The following PPP4R2 variants were observed in gnomAD, a reference collection of about 807,000 sequenced individuals.
PPP4R2 encodes protein phosphatase 4 regulatory subunit 2, also known as serine/threonine-protein phosphatase 4 regulatory subunit 2.
In PPP4R2, 13 loss-of-function variants were observed where a neutral mutation model predicts 47.2. That is an observed-to-expected ratio of 0.28 (90% CI 0.18 to 0.44). The LOEUF (loss-of-function observed/expected upper bound fraction) is 0.44, where lower values mean the gene tolerates loss of function less well. Ranked by LOEUF, PPP4R2 falls within the 20% of genes least tolerant of loss-of-function variation. The pLI is 1.00. For missense variants in PPP4R2, 421 were observed against 491.2 expected (o/e 0.86, Z 1.35); for synonymous variants, 151 against 163.3 (o/e 0.92, Z 0.57).
intron 2 of PPP4R2, among the ~76,000 whole-genome samples, chr3:73,026,581 A>G (rs766326109): frequency 6.6e-6 from 1 of 152,106 alleles, no homozygotes; most frequent in Non-Finnish European, 1.5e-5. Flanking sequence ...ATTTGCATTA[A>G]ATGTTTTTTG....
At chr3:73,059,936 G>GA (rs11300271) in intron 4 of PPP4R2, among the ~76,000 whole-genome samples, 1,495 of 118,240 alleles carry the variant, frequency 0.013, 14 homozygotes, top group Non-Finnish European at 0.018. Flanking sequence ...CTCTGTCTCA[G>GA]AAAAAAAAAA....
intron 2 of PPP4R2, among the ~76,000 whole-genome samples, chr3:73,017,605 G>A (rs914369218): frequency 2.2e-4 from 33 of 152,182 alleles, no homozygotes; most frequent in African/African-American, 7.5e-4. Flanking sequence ...AGAATTAAGT[G>A]TATGTTAAAG....
chr3:73,044,162 A>G (rs1702435794), intron 2 of PPP4R2, among the ~76,000 whole-genome samples: 1 of 151,792 alleles, frequency 6.6e-6, no homozygotes. Context: ...GGTTGTTTTC[A>G]CCTTTTGGGG....
At chr3:73,062,330 C>CA (rs3832186) in intron 5 of PPP4R2, 207,228 of 1,607,514 alleles carry the variant, frequency 0.13, 17,201 homozygotes, top group East Asian at 0.35. Context: ...CTGGGAAAAA[C>CA]AGACAGTATC....
chr3:73,000,284 T>C (rs1226162723), intron 2 of PPP4R2, among the ~76,000 whole-genome samples: 1 of 152,120 alleles, frequency 6.6e-6, no homozygotes, highest in Non-Finnish European at 1.5e-5. Flanking sequence ...CAGTGAGCCA[T>C]GATGGTTGGT....
Position 73,007,312 on chromosome 3 carries a change from A to G in PPP4R2, c.116+9154A>G, listed in dbSNP as rs144136754. Among the ~76,000 whole-genome samples, 45 of 152,122 alleles carry G rather than the reference A, an allele frequency of 3.0e-4. No homozygotes were observed. In the East Asian group the frequency reaches 8.5e-3, roughly 29 times the overall value. On this transcript the variant is annotated intron_variant, in intron 2 of 8. Transcript: ENST00000356692. Reference sequence around the variant, plus strand: ...CTACAGTTTGAAGTTCTTTGTGTTCAGGTATTTTGACAAAACAGTAAGAAA... The same window carrying G: ...CTACAGTTTGAAGTTCTTTGTGTTCGGGTATTTTGACAAAACAGTAAGAAA...
chr3:73,063,083 C>T (rs1340872371), intron 5 of PPP4R2: 1 of 617,096 alleles, frequency 1.6e-6, no homozygotes, highest in Non-Finnish European at 2.8e-6. Context: ...CTTTGCCACC[C>T]CATTATTGGG....
rs549335768 is a variant in PPP4R2 at position 73,042,859 on chromosome 3, G to A, written c.117-4327G>A. Among the ~76,000 whole-genome samples the A allele has an allele frequency of 3.8e-4, 58 of 152,226 alleles. 1 individual carries two copies. Among genetic ancestry groups the A allele is most frequent in the Admixed American group, 1.9e-3 (29 of 15,290 alleles). ...GATTTATTTGAAAGTTAAGACTACA[G>A]TGTGTTCATAATTCATGTCAATTTA... On this transcript the variant is annotated intron_variant, in intron 2 of 8. Transcript: ENST00000356692.
At chr3:73,036,525 C>T (rs1702263958) in intron 2 of PPP4R2, among the ~76,000 whole-genome samples, 1 of 152,130 alleles carries the variant, frequency 6.6e-6, no homozygotes, top group Non-Finnish European at 1.5e-5. Context: ...TGTATCAGTA[C>T]AAATTTCCAG....
chr3:73,035,562 C>T (rs1203909248), intron 2 of PPP4R2, among the ~76,000 whole-genome samples: 1 of 152,168 alleles, frequency 6.6e-6, no homozygotes, highest in African/African-American at 2.4e-5. Context: ...CCTAGCAATC[C>T]CCACTGCTGG....
chr3:73,008,373 C>T (rs955667760), intron 2 of PPP4R2, among the ~76,000 whole-genome samples: 9 of 152,084 alleles, frequency 5.9e-5, no homozygotes, highest in African/African-American at 2.2e-4. Context: ...ATCATGTAAA[C>T]CTGAATGGTA....
At chr3:73,062,727 A>G in intron 5 of PPP4R2, 1 of 1,614,032 alleles carries the variant, frequency 6.2e-7, no homozygotes, top group Non-Finnish European at 8.5e-7. Flanking sequence ...CAAGGCAATG[A>G]TGGCATCTAT....
In PPP4R2 at chr3:73,043,389, A is replaced by G. The variant is rs567657324; in HGVS notation, c.117-3797A>G. 2.0e-5 allele frequency among the ~76,000 whole-genome samples: 3 copies of G among 152,328 alleles called. No homozygotes were observed. In the South Asian group the frequency reaches 6.2e-4, roughly 32 times the overall value. On this transcript the variant is annotated intron_variant, in intron 2 of 8. Coordinates refer to ENST00000356692, the MANE Select transcript of PPP4R2 (RefSeq NM_174907.4). ...AAAGGTGGAAAAAACTAATCATGCA[A>G]ATAGCTTTTAATTATCCTCACCATT...
intron 3 of PPP4R2, among the ~76,000 whole-genome samples, chr3:73,058,362 T>C (rs927214927): frequency 6.6e-6 from 1 of 152,082 alleles, no homozygotes; most frequent in Non-Finnish European, 1.5e-5. Context: ...ATACATATAT[T>C]AAATAACCCC....
intron 2 of PPP4R2, among the ~76,000 whole-genome samples, chr3:73,002,609 CTT>C (rs1701493327): frequency 1.3e-5 from 1 of 76,968 alleles, no homozygotes; most frequent in South Asian, 3.8e-4. Flanking sequence ...AGGGATTTTT[CTT>C]TTCTTTTCTT....
chr3:73,048,285 C>T (rs539443587), intron 3 of PPP4R2, among the ~76,000 whole-genome samples: 26 of 152,168 alleles, frequency 1.7e-4, no homozygotes, highest in Admixed American at 2.0e-4. Context: ...GACAGAGTCT[C>T]GCTGTCACCC....
intron 2 of PPP4R2, among the ~76,000 whole-genome samples, chr3:73,010,708 A>G (rs1701706671): frequency 6.6e-6 from 1 of 151,802 alleles, no homozygotes; most frequent in East Asian, 1.9e-4. Context: ...ACAGGCGCCC[A>G]TCACCGCTAA....
intron 5 of PPP4R2, chr3:73,062,761 G>C: frequency 3.7e-6 from 6 of 1,613,990 alleles, no homozygotes; most frequent in Non-Finnish European, 5.1e-6. Flanking sequence ...CATGGTGAGA[G>C]TGCTGATCTG....
chr3:73,014,808 A>T, intron 2 of PPP4R2: 1 of 403,408 alleles, frequency 2.5e-6, no homozygotes. Flanking sequence ...TGGAGATTTG[A>T]AAGTGATAAT....
Sources: gnomAD v4.1 joint callset for allele counts (sites outside exome capture counted in the v4.1 genomes callset) on GRCh38, gnomAD v4.1.1 for gene constraint, MANE v1.5 for transcripts, NCBI Gene and HGNC (gene_info 2026-07-23, HGNC 2026-07-21) for gene names.